The following HDAC9 variants were observed in gnomAD, a reference collection of about 807,000 sequenced individuals.
HDAC9 encodes MEF-2 interacting transcription repressor (MITR) protein.
HDAC9 carries 41 observed loss-of-function variants against 139.4 expected under a neutral mutation model. That is an observed-to-expected ratio of 0.29 (90% CI 0.23 to 0.38). HDAC9 has a LOEUF of 0.38. Among genes scored for constraint, HDAC9 ranks in the 10% least tolerant of loss-of-function variants. The pLI, the probability that HDAC9 is intolerant of heterozygous loss-of-function variation, is 1.00. For synonymous variants in HDAC9, 517 were observed against 476.2 expected (o/e 1.09, Z -1.12); for missense variants, 1,147 against 1,297.0 (o/e 0.88, Z 1.78).
chr7:18,549,181 T>A (rs1242206326), intron 2 of HDAC9, among the ~76,000 whole-genome samples: 2 of 152,156 alleles, frequency 1.3e-5, no homozygotes, highest in Non-Finnish European at 2.9e-5. Flanking sequence ...GGGGTTGCAG[T>A]GAGCTGAGAT....
At chr7:18,727,377 C>T (rs969103550) in intron 12 of HDAC9, among the ~76,000 whole-genome samples, 3 of 152,356 alleles carry the variant, frequency 2.0e-5, no homozygotes, top group Non-Finnish European at 4.4e-5. Flanking sequence ...AGGCCCTGGC[C>T]GTCAGTGTGA....
At position 18,252,916 on chromosome 7, in the gene HDAC9, C is replaced by G. The variant is rs564130498; in HGVS notation, c.25+90567C>G. On this transcript the variant is annotated intron_variant, in intron 2 of 12. Transcript: ENST00000417496. ...GCTATTTCTTCGTGACCGTCTCCCT[C>G]TTCCATCCTCCACCCCAGTGTGTGT... is the stretch of plus-strand genomic sequence containing the variant. Among the ~76,000 whole-genome samples, 206 of 152,276 alleles carry G rather than the reference C, an allele frequency of 1.4e-3. 1 individual carries two copies. Among genetic ancestry groups the G allele is most frequent in the African/African-American group, 4.6e-3 (193 of 41,546 alleles).
At chr7:18,522,243 T>C (rs1805286498) in intron 2 of HDAC9, among the ~76,000 whole-genome samples, 1 of 152,122 alleles carries the variant, frequency 6.6e-6, no homozygotes, top group South Asian at 2.1e-4. Context: ...CTTAGGGCCA[T>C]TCAGAACTAA....
rs903115326 is a variant in HDAC9 at position 18,818,981 on chromosome 7, TA to T, written c.2323-10169del. ...GCAATAGACTTAGTTTATATGAAATTAAAAAAAAAAATGTCTAGCCAGGTAC... is the reference window on the plus strand; with the variant it reads ...GCAATAGACTTAGTTTATATGAAATTAAAAAAAAAATGTCTAGCCAGGTAC... On this transcript the variant is annotated intron_variant, in intron 17 of 25. Coordinates refer to ENST00000686413, the MANE Select transcript of HDAC9 (RefSeq NM_178425.4). Among the ~76,000 whole-genome samples, 809 of 148,096 alleles carry T rather than the reference TA, an allele frequency of 5.5e-3. 4 individuals are homozygous for T. The highest frequency in any genetic ancestry group is 0.021 in the Middle Eastern group (6 of 290).
intron 12 of HDAC9, among the ~76,000 whole-genome samples, chr7:18,722,766 G>T (rs997238423): frequency 6.6e-6 from 1 of 152,106 alleles, no homozygotes; most frequent in South Asian, 2.1e-4. Context: ...ATTTGTAAAA[G>T]TGTATAATTG....
chr7:18,673,476 A>G (rs1271053812), intron 12 of HDAC9, among the ~76,000 whole-genome samples: 1 of 152,102 alleles, frequency 6.6e-6, no homozygotes, highest in Non-Finnish European at 1.5e-5. Context: ...TCAAAGATAT[A>G]GTACAAAAAG....
At chr7:18,095,688 T>G in intron 1 of HDAC9, among the ~76,000 whole-genome samples, 1 of 152,356 alleles carries the variant, frequency 6.6e-6, no homozygotes, top group East Asian at 1.9e-4. Flanking sequence ...AACATAAATA[T>G]GAATGCTTTT....
chr7:18,957,147 C>T (rs751789038), intron 24 of HDAC9, among the ~76,000 whole-genome samples: 30 of 152,090 alleles, frequency 2.0e-4, no homozygotes, highest in Admixed American at 1.8e-3. Flanking sequence ...AACACAAGAT[C>T]GGAAAGCGAT....
intron 12 of HDAC9, among the ~76,000 whole-genome samples, chr7:18,710,325 C>T (rs982193102): frequency 6.6e-5 from 10 of 152,194 alleles, no homozygotes; most frequent in African/African-American, 2.4e-4. Context: ...TTTTGGTTAT[C>T]TGTGATCACA....
intron 17 of HDAC9, among the ~76,000 whole-genome samples, chr7:18,817,046 T>C (rs866513445): frequency 0.025 from 3,844 of 151,934 alleles, 161 homozygotes; most frequent in African/African-American, 0.087. Context: ...TTGTTTTTTT[T>C]TTTTTTGAAA....
Position 18,479,513 on chromosome 7 carries a change from A to G in HDAC9, c.-41-16749A>G, listed in dbSNP as rs112508351. ...TACCTAGTTGTCTATATTTGAACCA[A>G]TAATGTATTCTCTTTTGTATAGCTT... On this transcript the variant is annotated intron_variant, in intron 1 of 3. Transcript: ENST00000413509. Among the ~76,000 whole-genome samples the G allele has an allele frequency of 8.5e-3, 1,298 of 152,280 alleles. 18 individuals carry two copies. Among genetic ancestry groups the G allele is most frequent in the African/African-American group, 0.029 (1,220 of 41,558 alleles).
intron 6 of HDAC9, among the ~76,000 whole-genome samples, chr7:18,601,863 T>C (rs1420002693): frequency 6.6e-6 from 1 of 152,206 alleles, no homozygotes; most frequent in Non-Finnish European, 1.5e-5. Flanking sequence ...TTGGATTTGA[T>C]TTGCTAGTAT....
intron 1 of HDAC9, among the ~76,000 whole-genome samples, chr7:18,140,042 A>G (rs989836204): frequency 2.6e-5 from 4 of 152,186 alleles, no homozygotes; most frequent in Non-Finnish European, 4.4e-5. Context: ...ACAAGAAATG[A>G]ATACAACACT....
chr7:18,535,170 T>C (rs1810457673), intron 2 of HDAC9, among the ~76,000 whole-genome samples: 1 of 152,160 alleles, frequency 6.6e-6, no homozygotes, highest in Non-Finnish European at 1.5e-5. Flanking sequence ...TGTCATCTCT[T>C]CCCTCTTCTT....
At chr7:18,862,492 A>C (rs1024698903) in intron 21 of HDAC9, among the ~76,000 whole-genome samples, 1 of 152,188 alleles carries the variant, frequency 6.6e-6, no homozygotes, top group Non-Finnish European at 1.5e-5. Context: ...TGATTTTTCT[A>C]ACCCCCTACA....
intron 6 of HDAC9, among the ~76,000 whole-genome samples, chr7:18,628,108 A>G (rs1438256320): frequency 6.6e-6 from 1 of 152,228 alleles, no homozygotes; most frequent in South Asian, 2.1e-4. Flanking sequence ...TGGCTACATT[A>G]TAACATTGTG....
intron 1 of HDAC9, among the ~76,000 whole-genome samples, chr7:18,299,146 T>A (rs1798355762): frequency 6.6e-6 from 1 of 152,092 alleles, no homozygotes; most frequent in Admixed American, 6.5e-5. Flanking sequence ...ACATTTAATG[T>A]TTATGCAAGA....
chr7:18,617,793 A>G (rs540705293), intron 6 of HDAC9, among the ~76,000 whole-genome samples: 1 of 152,332 alleles, frequency 6.6e-6, no homozygotes, highest in South Asian at 2.1e-4. Flanking sequence ...TTATATGAGT[A>G]AATGAATATA....
intron 1 of HDAC9, among the ~76,000 whole-genome samples, chr7:18,475,224 G>A (rs568693472): frequency 6.6e-6 from 1 of 152,272 alleles, no homozygotes; most frequent in Admixed American, 6.5e-5. Flanking sequence ...TGGGACAAGA[G>A]CCATGGACTC....
Sources: allele counts gnomAD v4.1 joint callset (sites outside exome capture counted in the v4.1 genomes callset), GRCh38; gene constraint gnomAD v4.1.1; transcripts MANE v1.5; gene names NCBI Gene and HGNC (gene_info 2026-07-23, HGNC 2026-07-21).